Variants in TRIB1 observed in about 807,000 individuals in gnomAD.
TRIB1 encodes tribbles homolog 1.
TRIB1 carries 12 observed loss-of-function variants against 27.8 expected under a neutral mutation model. The ratio of observed to expected loss-of-function variants is 0.43; its 90% CI spans 0.28 to 0.70. The LOEUF is 0.70. Among genes scored for constraint, TRIB1 ranks in the 30% least tolerant of loss-of-function variants. TRIB1 has a pLI of 0.18. For missense variants in TRIB1, 475 were observed against 515.8 expected (o/e 0.92, Z 0.77); for synonymous variants, 230 against 224.9 (o/e 1.02, Z -0.20).
chr8:125,437,966 A>T lies in TRIB1; in HGVS notation c.*1495A>T, dbSNP rs937868681. 2.0e-5 allele frequency: 3 copies of T among 152,792 alleles called. No homozygotes were observed. Among genetic ancestry groups the T allele is most frequent in the Non-Finnish European group, 4.4e-5 (3 of 68,040 alleles). The allele number at this position is 152,792 out of a possible 1,614,324, so 9.5% of individuals were successfully genotyped here. ...GGCTATGCCTAGGCAAACTACTAAC[A>T]TGCATTGTGAGAATGCCGTGTATAC... On this transcript the variant is annotated 3_prime_UTR_variant, in exon 3 of 3. Transcript: ENST00000311922.
At position 125,433,255 on chromosome 8, in the gene TRIB1, G is replaced by A; in HGVS notation, c.361-62G>A. 2 of 1,540,324 alleles carry A rather than the reference G, an allele frequency of 1.3e-6. No homozygotes were observed. The highest frequency in any genetic ancestry group is 1.4e-5 in the African/African-American group (1 of 72,494). On this transcript the variant is annotated intron_variant, in intron 1 of 2. Transcript: ENST00000311922. The surrounding 1 kb of genome is among the most constrained non-coding windows in gnomAD (Gnocchi z 4.4). ...TGAGAACTTCTGTTCAGCTCCCTCA[G>A]GGGTTTGGGAGGCTGCCTTTGCTTT...
At position 125,433,905 on chromosome 8, in the gene TRIB1, G is replaced by C; in HGVS notation, c.653+296G>C. The stretch of plus-strand genomic sequence containing the variant: ...TTCCCCATTGTTGTCAGAAAGGTCA[G>C]TTGTCTGGGGTACAAATATTAAACT... On this transcript the variant is annotated intron_variant, in intron 2 of 2. Coordinates refer to ENST00000311922, the MANE Select transcript of TRIB1 (RefSeq NM_025195.4). The surrounding 1 kb of genome is among the most constrained non-coding windows in gnomAD (Gnocchi z 4.4). 7.4e-6 allele frequency: 3 copies of C among 402,984 alleles called. No individual in the cohort carries two copies. Among genetic ancestry groups the C allele is most frequent in the Non-Finnish European group, 1.4e-5 (3 of 220,812 alleles). 25.0% of individuals were successfully genotyped at this position (402,984 alleles called of 1,614,324 possible).
At chr8:125,431,765 G>A (rs1369020358) in intron 1 of TRIB1, among the ~76,000 whole-genome samples, 1 of 152,162 alleles carries the variant, frequency 6.6e-6, no homozygotes, top group Non-Finnish European at 1.5e-5. Flanking sequence ...CCTGCCTTGG[G>A]GATTCCGAAT....
Position 125,430,633 on chromosome 8 carries a change from C to A in TRIB1, c.-270C>A, listed in dbSNP as rs1238612559. 3 of 368,262 alleles carry A rather than the reference C, an allele frequency of 8.1e-6. No individual in the cohort carries two copies. In the Admixed American group the frequency reaches 1.4e-4, roughly 18 times the overall value. 22.8% of individuals were successfully genotyped at this position (368,262 alleles called of 1,614,324 possible). A position where few individuals can be genotyped will look rare whatever the true frequency, so the allele number is the denominator to read the frequency against. On this transcript the variant is annotated 5_prime_UTR_variant, in exon 1 of 3. Transcript: ENST00000311922. ...CGGCAACAATAGTGGCGGCCGCCCCCAGCGAGGCTCCGGGAGCCCTTGCCT... is the reference window on the plus strand; with the variant it reads ...CGGCAACAATAGTGGCGGCCGCCCCAAGCGAGGCTCCGGGAGCCCTTGCCT...
Position 125,436,505 on chromosome 8 carries a change from C to T in TRIB1, c.*34C>T, listed in dbSNP as rs775724040. ...ACCTCAGAAACCTCATAATTCTTAA[C>T]ACCTGGCATTTCCATTTCTAAAGAT... On this transcript the variant is annotated 3_prime_UTR_variant, in exon 3 of 3. Coordinates refer to ENST00000311922, the MANE Select transcript of TRIB1 (RefSeq NM_025195.4). 2.5e-6 allele frequency: 4 copies of T among 1,593,110 alleles called. No individual in the cohort carries two copies. The highest frequency in any genetic ancestry group is 2.2e-5 in the East Asian group (1 of 44,688).
intron 2 of TRIB1, among the ~76,000 whole-genome samples, chr8:125,435,107 A>G (rs563276811): frequency 6.6e-6 from 1 of 152,266 alleles, no homozygotes; most frequent in East Asian, 1.9e-4. Flanking sequence ...TGGGGGATCC[A>G]GGAGACTTGG....
intron 1 of TRIB1, 88 bp downstream of exon 1, chr8:125,431,350 G>T: frequency 2.5e-6 from 3 of 1,222,514 alleles, no homozygotes; most frequent in Non-Finnish European, 2.1e-6. Flanking sequence ...GCCAACGCTT[G>T]GGCTGGGCAC....
chr8:125,431,048 G>A lies in TRIB1; in HGVS notation c.146G>A (p.Arg49His). 6.9e-7 allele frequency: 1 copy of A among 1,454,100 alleles called. No individual in the cohort carries two copies. Among genetic ancestry groups the A allele is most frequent in the Non-Finnish European group, 9.0e-7 (1 of 1,110,934 alleles). The allele number at this position is 1,454,100 out of a possible 1,614,324, so 90.1% of individuals were successfully genotyped here. Reference protein sequence around the residue: ...DAAAVAAKCPRLSECSSPPDY... With the variant: ...DAAAVAAKCPHLSECSSPPDY... Reference sequence around the variant, plus strand: ...GCGGCTGTGGCGGCCAAGTGCCCGCGCCTCTCCGAGTGCTCCAGCCCCCCG... The same window carrying A: ...GCGGCTGTGGCGGCCAAGTGCCCGCACCTCTCCGAGTGCTCCAGCCCCCCG... Residue 49 changes from arginine (R) to histidine (H), a missense_variant, in exon 1 of 3, where the codon CGC becomes CAC. Physicochemically the swap from Arg to His is conservative, Grantham distance 29 (BLOSUM62 0). Coordinates refer to ENST00000311922, the MANE Select transcript of TRIB1 (RefSeq NM_025195.4).
At chr8:125,432,338 GTGGGA>G (rs1166464219) in intron 1 of TRIB1, 15 of 866,996 alleles carry the variant, frequency 1.7e-5, no homozygotes, top group East Asian at 2.4e-4. Flanking sequence ...TGTGTGTGTG[GTGGGA>G]TGGGATGGGA....
Position 125,433,510 on chromosome 8 carries a change from T to TCTTCAAGCA in TRIB1, c.555_563dup (p.Lys187_Gln188insHisPheLys). On this transcript the variant is annotated inframe_insertion, in exon 2 of 3. Coordinates refer to ENST00000311922, the MANE Select transcript of TRIB1 (RefSeq NM_025195.4). This position sits in a 1 kb window ranked among gnomAD's most constrained non-coding sequence, Gnocchi z 4.4. ...CTGCGGGAAGAGGAAGCCGCCCGGC[T>TCTTCAAGCA]CTTCAAGCAGATTGTCTCCGCCGTC... is the stretch of plus-strand genomic sequence containing the variant. 6.2e-7 allele frequency: 1 copy of TCTTCAAGCA among 1,614,212 alleles called. No homozygotes were observed. Among genetic ancestry groups the TCTTCAAGCA allele is most frequent in the Non-Finnish European group, 8.5e-7 (1 of 1,180,022 alleles).
chr8:125,432,005 C>T (rs575447095), intron 1 of TRIB1, among the ~76,000 whole-genome samples: 1 of 152,316 alleles, frequency 6.6e-6, no homozygotes, highest in South Asian at 2.1e-4. Context: ...GGGTCCTCCT[C>T]CTGCGCGGGT....
At chr8:125,432,122 C>A in intron 1 of TRIB1, 2 of 401,140 alleles carry the variant, frequency 5.0e-6, no homozygotes, top group Non-Finnish European at 6.8e-6. Flanking sequence ...GATAGGATCA[C>A]CCCCCAGTTA....
Position 125,436,147 on chromosome 8 carries a change from G to A in TRIB1, c.795G>A (p.Ala265=), listed in dbSNP as rs778589196. The A allele has an allele frequency of 4.2e-5, 67 of 1,613,896 alleles. No individual in the cohort carries two copies. The highest frequency in any genetic ancestry group is 6.7e-5 in the Admixed American group (4 of 59,982). ...NTTGTYSGKA[A]DVWSLGVMLY... is the part of the protein sequence containing the mutation. ...CTGGGACCTACTCCGGAAAGGCTGC[G>A]GACGTTTGGAGCCTGGGGGTGATGC... Residue 265 remains alanine (A), a synonymous_variant, in exon 3 of 3, where the codon GCG becomes GCA. Coordinates refer to ENST00000311922, the MANE Select transcript of TRIB1 (RefSeq NM_025195.4).
At position 125,436,459 on chromosome 8, in the gene TRIB1, C is replaced by A; in HGVS notation, c.1107C>A (p.Ser369=). Residue 369 remains serine, a synonymous_variant, in exon 3 of 3, where the codon TCC becomes TCA. Coordinates refer to ENST00000311922, the MANE Select transcript of TRIB1 (RefSeq NM_025195.4). ...PEYQEDSDIS[S]FFC Reference sequence around the variant, plus strand: ...ACCAGGAGGACAGTGACATTAGTTCCTTCTTCTGCTAATCCCCAAAACCTC... The same window carrying A: ...ACCAGGAGGACAGTGACATTAGTTCATTCTTCTGCTAATCCCCAAAACCTC... 6.2e-7 allele frequency: 1 copy of A among 1,613,072 alleles called. No homozygotes were observed. The highest frequency in any genetic ancestry group is 8.5e-7 in the Non-Finnish European group (1 of 1,179,206).
chr8:125,433,604 G>T lies in TRIB1; in HGVS notation c.648G>T (p.Glu216Asp). The T allele has an allele frequency of 6.2e-7, 1 of 1,603,258 alleles. No individual in the cohort carries two copies. The highest frequency in any genetic ancestry group is 8.5e-7 in the Non-Finnish European group (1 of 1,172,190). The change falls in exon 2 of 3, where the codon GAG becomes GAT. Residue 216 changes from glutamate (E) to aspartate (D), a missense_variant. By Grantham distance (45) the Glu-to-Asp change is conservative. Transcript: ENST00000311922. The surrounding 1 kb of genome is among the most constrained non-coding windows in gnomAD (Gnocchi z 4.4). The stretch of plus-strand genomic sequence containing the variant: ...TTAGGAAGTTCGTCTTCTCCACGGA[G>T]GAGAGGTGAGCGGCCGCCACAGCTT... ...LKLRKFVFST[E>D]ERTQLRLESL... is the part of the protein sequence containing the mutation.
At chr8:125,432,221 C>T (rs4421363) in intron 1 of TRIB1, 310,742 of 978,110 alleles carry the variant, frequency 0.32, 52,480 homozygotes, top group South Asian at 0.36. Context: ...ACTGCCCAAC[C>T]CGAATGAAAT....
rs1814706839 is a variant in TRIB1 at position 125,433,948 on chromosome 8, C to T, written c.653+339C>T. ...ATTAAACTGCCCTTTACGATATTGC[C>T]TTCTGAAGGAAGTGTTCAAATCTTT... is the stretch of plus-strand genomic sequence containing the variant. On this transcript the variant is annotated intron_variant, in intron 2 of 2. Transcript: ENST00000311922. This position sits in a 1 kb window ranked among gnomAD's most constrained non-coding sequence, Gnocchi z 4.4. Among the ~76,000 whole-genome samples, 1 of 152,178 alleles carries T rather than the reference C, an allele frequency of 6.6e-6. No homozygotes were observed. Among genetic ancestry groups the T allele is most frequent in the South Asian group, 2.1e-4 (1 of 4,832 alleles).
chr8:125,430,857 G>A lies in TRIB1; in HGVS notation c.-46G>A. ...CCAAACCCGCAGCGTCTTCCCGCGC[G>A]GATCCCGGGACTTAAAAAGCCGGGG... On this transcript the variant is annotated 5_prime_UTR_variant, in exon 1 of 3. Transcript: ENST00000311922. 7.3e-7 allele frequency: 1 copy of A among 1,366,620 alleles called. No individual in the cohort carries two copies. The highest frequency in any genetic ancestry group is 9.4e-7 in the Non-Finnish European group (1 of 1,066,006). The allele number at this position is 1,366,620 out of a possible 1,614,324, so 84.7% of individuals were successfully genotyped here. A position where few individuals can be genotyped will look rare whatever the true frequency, so the allele number is the denominator to read the frequency against.
rs1468112899 is a variant in TRIB1, at chr8:125,433,862, A to G, written c.653+253A>G. On this transcript the variant is annotated intron_variant, in intron 2 of 2. Transcript: ENST00000311922. The surrounding 1 kb of genome is among the most constrained non-coding windows in gnomAD (Gnocchi z 4.4). ...GTTGACAGGGTGCTCTTCCTCTCCT[A>G]CCCCAGGATCAGGTTCATTCCCCAT... 1 of 480,896 alleles carries G rather than the reference A, an allele frequency of 2.1e-6. No individual in the cohort carries two copies. The highest frequency in any genetic ancestry group is 3.8e-6 in the Non-Finnish European group (1 of 266,546). The allele number at this position is 480,896 out of a possible 1,614,324, so 29.8% of individuals were successfully genotyped here.
Sources: gnomAD v4.1 joint callset for allele counts (sites outside exome capture counted in the v4.1 genomes callset) on GRCh38, gnomAD v4.1.1 for gene constraint, Gnocchi (gnomAD v3.1) non-coding constraint, MANE v1.5 for transcripts, NCBI Gene and HGNC (gene_info 2026-07-23, HGNC 2026-07-21) for gene names.